The following GABBR2 variants were observed in gnomAD, a reference collection of about 807,000 sequenced individuals.
GABBR2 encodes G-protein coupled receptor 51.
Under a neutral mutation model 105.6 loss-of-function variants are expected in GABBR2, and 23 were observed. The ratio of observed to expected loss-of-function variants is 0.22; its 90% CI spans 0.16 to 0.31. The LOEUF is 0.31. Ranked by LOEUF, GABBR2 falls within the 10% of genes least tolerant of loss-of-function variation. The pLI, the probability that GABBR2 is intolerant of heterozygous loss-of-function variation, is 1.00. For missense variants in GABBR2, 734 were observed against 1,245.5 expected (o/e 0.59, Z 6.18); for synonymous variants, 478 against 499.7 (o/e 0.96, Z 0.58).
At chr9:98,296,299 G>T (rs182314385) in intron 17 of GABBR2, among the ~76,000 whole-genome samples, 1 of 152,288 alleles carries the variant, frequency 6.6e-6, no homozygotes, top group Admixed American at 6.5e-5. Flanking sequence ...GTGGAGGCTG[G>T]ACCCTCCTCA....
At chr9:98,365,097 G>A (rs660148) in intron 12 of GABBR2, among the ~76,000 whole-genome samples, 50,036 of 151,998 alleles carry the variant, frequency 0.33, 9,459 homozygotes, top group African/African-American at 0.52. Flanking sequence ...TAGGTATAAA[G>A]GAAAGGACAC....
rs10985795 is a variant in GABBR2, at chr9:98,303,525, T to C, written c.2230-102A>G. 0.25 allele frequency: 257,663 copies of C among 1,016,114 alleles called. 34,408 individuals carry two copies. The highest frequency in any genetic ancestry group is 0.39 in the Middle Eastern group (1,314 of 3,360). The allele number at this position is 1,016,114 out of a possible 1,614,324, so 62.9% of individuals were successfully genotyped here. A position where few individuals can be genotyped will look rare whatever the true frequency, so the allele number is the denominator to read the frequency against. Reference sequence around the variant, plus strand: ...CCAGCAGATCCTGCTCTGGAGGCGATAAGAGGCCCCAGGAAAGCCACAGGC... The same window carrying C: ...CCAGCAGATCCTGCTCTGGAGGCGACAAGAGGCCCCAGGAAAGCCACAGGC... On this transcript the variant is annotated intron_variant, in intron 15 of 18. Coordinates refer to ENST00000259455, the MANE Select transcript of GABBR2 (RefSeq NM_005458.8).
intron 5 of GABBR2, among the ~76,000 whole-genome samples, chr9:98,475,052 A>G (rs1267292501): frequency 6.6e-6 from 1 of 152,126 alleles, no homozygotes; most frequent in African/African-American, 2.4e-5. Flanking sequence ...ACATTGCTTA[A>G]CAAAAGACCC....
intron 13 of GABBR2, among the ~76,000 whole-genome samples, chr9:98,357,157 A>G (rs7045216): frequency 0.04 from 6,130 of 152,292 alleles, 405 homozygotes; most frequent in East Asian, 0.26. Flanking sequence ...TATGGACTGT[A>G]GTGACGAATA....
At chr9:98,684,372 ATTAC>A (rs1191750353) in intron 1 of GABBR2, among the ~76,000 whole-genome samples, 1 of 152,098 alleles carries the variant, frequency 6.6e-6, no homozygotes, top group Non-Finnish European at 1.5e-5. Flanking sequence ...AAAAACATAA[ATTAC>A]TTCTATAATA....
At chr9:98,416,982 A>C (rs1312059998) in intron 7 of GABBR2, among the ~76,000 whole-genome samples, 2 of 152,110 alleles carry the variant, frequency 1.3e-5, no homozygotes, top group African/African-American at 4.8e-5. Flanking sequence ...GTCCCAATTA[A>C]AGTGGCCTCC....
chr9:98,670,347 T>C (rs1830391764), intron 1 of GABBR2, among the ~76,000 whole-genome samples: 1 of 152,006 alleles, frequency 6.6e-6, no homozygotes, highest in Admixed American at 6.6e-5. Flanking sequence ...ATAACAAGTG[T>C]TGATGAGGAC....
intron 7 of GABBR2, among the ~76,000 whole-genome samples, chr9:98,408,950 C>A (rs1832537553): frequency 6.6e-6 from 1 of 152,148 alleles, no homozygotes; most frequent in Admixed American, 6.5e-5. Flanking sequence ...AGGTAATTTA[C>A]TAGGGGAGCT....
At position 98,362,945 on chromosome 9, in the gene GABBR2, G is replaced by A. The variant is rs565376347; in HGVS notation, c.1771-108C>T. 23 of 954,594 alleles carry A rather than the reference G, an allele frequency of 2.4e-5. No individual in the cohort carries two copies. The South Asian group carries it at 2.8e-4, about 12-fold the overall frequency. The allele number at this position is 954,594 out of a possible 1,614,324, so 59.1% of individuals were successfully genotyped here. A position where few individuals can be genotyped will look rare whatever the true frequency, so the allele number is the denominator to read the frequency against. On this transcript the variant is annotated intron_variant, in intron 12 of 18. Transcript: ENST00000259455. ...AACCTGCATCATGAACCCCCCAGCC[G>A]GAGAGTCTCCTGCGATTCCCCATCA... is the stretch of plus-strand genomic sequence containing the variant.
At chr9:98,511,367 C>T (rs1827639280) in intron 3 of GABBR2, among the ~76,000 whole-genome samples, 1 of 150,494 alleles carries the variant, frequency 6.6e-6, no homozygotes, top group South Asian at 2.1e-4. Context: ...AGAGCAAACA[C>T]ATTCAAAAGC....
intron 2 of GABBR2, among the ~76,000 whole-genome samples, chr9:98,544,795 T>G (rs1284570739): frequency 1.3e-5 from 2 of 152,226 alleles, no homozygotes; most frequent in Non-Finnish European, 2.9e-5. Context: ...GCTTCCATCA[T>G]ATTCACAAAG....
At chr9:98,639,440 T>C (rs1403320924) in intron 1 of GABBR2, among the ~76,000 whole-genome samples, 1 of 152,018 alleles carries the variant, frequency 6.6e-6, no homozygotes, top group African/African-American at 2.4e-5. Flanking sequence ...GCCCTGGAAA[T>C]GGACTTTAGG....
Position 98,708,740 on chromosome 9 carries a change from C to A in GABBR2, c.-3G>T, listed in dbSNP as rs1413204900. On this transcript the variant is annotated 5_prime_UTR_variant, in exon 1 of 19. Coordinates refer to ENST00000259455, the MANE Select transcript of GABBR2 (RefSeq NM_005458.8). ...CCGGAGCTCCGCGGGGAAGCCATGC[C>A]GCGCCGCGGGCTGCGGGCGCCGGCT... The A allele has an allele frequency of 3.1e-6, 3 of 981,144 alleles. No homozygotes were observed. Among genetic ancestry groups the A allele is most frequent in the African/African-American group, 1.8e-5 (1 of 55,836 alleles). The allele number at this position is 981,144 out of a possible 1,614,324, so 60.8% of individuals were successfully genotyped here.
intron 7 of GABBR2, among the ~76,000 whole-genome samples, chr9:98,415,106 T>C (rs1271482865): frequency 6.6e-6 from 1 of 152,090 alleles, no homozygotes; most frequent in East Asian, 1.9e-4. Context: ...GGATAAAAAT[T>C]GTATATACAG....
chr9:98,471,182 G>A (rs985774039), intron 6 of GABBR2, among the ~76,000 whole-genome samples: 1 of 152,278 alleles, frequency 6.6e-6, no homozygotes, highest in South Asian at 2.1e-4. Flanking sequence ...TAACAATCTC[G>A]TAACTGTGGG....
chr9:98,477,454 G>A (rs1826816498), intron 5 of GABBR2, among the ~76,000 whole-genome samples: 1 of 152,156 alleles, frequency 6.6e-6, no homozygotes, highest in Non-Finnish European at 1.5e-5. Context: ...TGCCCAGGCT[G>A]GTCTAACTCT....
intron 1 of GABBR2, among the ~76,000 whole-genome samples, chr9:98,623,833 T>A (rs1588257227): frequency 6.6e-6 from 1 of 152,218 alleles, no homozygotes; most frequent in African/African-American, 2.4e-5. Context: ...CTGTCCTATG[T>A]AGAAAGTAAG....
intron 13 of GABBR2, among the ~76,000 whole-genome samples, chr9:98,324,962 A>T (rs77988361): frequency 0.037 from 5,669 of 152,266 alleles, 135 homozygotes; most frequent in Middle Eastern, 0.054. Flanking sequence ...GCACACACAT[A>T]TAAGTCTTCT....
chr9:98,371,375 T>C (rs779542316), intron 12 of GABBR2, 89 bp downstream of exon 12: 16 of 734,132 alleles, frequency 2.2e-5, no homozygotes, highest in Non-Finnish European at 3.8e-5. Flanking sequence ...CCCCAGCAAA[T>C]AGCTCAGTGC....
Sources: allele counts gnomAD v4.1 joint callset (sites outside exome capture counted in the v4.1 genomes callset), GRCh38; gene constraint gnomAD v4.1.1; transcripts MANE v1.5; gene names NCBI Gene and HGNC (gene_info 2026-07-23, HGNC 2026-07-21).